Variants in PALM2AKAP2 observed in about 807,000 individuals in gnomAD.
PALM2AKAP2 encodes the protein PALM2 and AKAP2 fusion, also known as PALM2-AKAP2 fusion protein.
Under a neutral mutation model 71.5 loss-of-function variants are expected in PALM2AKAP2, and 37 were observed. The observed-to-expected ratio is 0.52, with a 90% CI of 0.40 to 0.68. The LOEUF is 0.68. Among genes scored for constraint, PALM2AKAP2 ranks in the 30% least tolerant of loss-of-function variants. PALM2AKAP2 has a pLI of 0.00. For missense variants in PALM2AKAP2, 1,224 were observed against 1,191.8 expected, an observed-to-expected ratio of 1.03 and a Z score of -0.40; for synonymous variants, 468 against 478.8, an observed-to-expected ratio of 0.98 and a Z score of 0.29.
chr9:110,032,727 TAAATA>T (rs1833305964), intron 7 of PALM2AKAP2, among the ~76,000 whole-genome samples: 2 of 98,626 alleles, frequency 2.0e-5, no homozygotes, highest in South Asian at 6.1e-4. Flanking sequence ...AATAAATAAA[TAAATA>T]AATAAATAAA....
chr9:109,923,677 C>G, intron 3 of PALM2AKAP2, 58 bp from the exon 4 acceptor site: 1 of 1,514,274 alleles, frequency 6.6e-7, no homozygotes, highest in Non-Finnish European at 8.8e-7. Context: ...GAGCTGCTCT[C>G]TTGCCCGTGG....
intron 1 of PALM2AKAP2, among the ~76,000 whole-genome samples, chr9:109,688,992 T>C (rs1484624219): frequency 6.6e-6 from 1 of 152,198 alleles, no homozygotes; most frequent in African/African-American, 2.4e-5. Context: ...CCTGCAGTTC[T>C]TCCATACTTC....
chr9:110,014,806 GTATATATATATATATATATATATATA>G (rs34408706), intron 6 of PALM2AKAP2, among the ~76,000 whole-genome samples: 27 of 41,552 alleles, frequency 6.5e-4, no homozygotes, highest in Admixed American at 2.3e-3. Flanking sequence ...AAAAAAAAAT[GTATATATATATATATATATATATATA>G]TATATATATA....
intron 1 of PALM2AKAP2, among the ~76,000 whole-genome samples, chr9:110,100,659 T>C (rs888103964): frequency 5.9e-5 from 9 of 152,156 alleles, no homozygotes; most frequent in Non-Finnish European, 8.8e-5. Context: ...CAAATTATTC[T>C]CCGACCCCTT....
At chr9:109,707,758 T>C (rs974064388) in intron 1 of PALM2AKAP2, among the ~76,000 whole-genome samples, 2 of 152,202 alleles carry the variant, frequency 1.3e-5, no homozygotes, top group African/African-American at 2.4e-5. Context: ...TTTGATACAG[T>C]CAGCAAGGAA....
At chr9:110,048,668 C>T (rs1190553699), upstream of PALM2AKAP2, 1 of 1,495,508 alleles carries the variant, frequency 6.7e-7, no homozygotes, top group Non-Finnish European at 8.8e-7. Context: ...TCCCCGCCCT[C>T]CAGCGCGCCC....
intron 1 of PALM2AKAP2, among the ~76,000 whole-genome samples, chr9:109,762,662 G>GA (rs147586144): frequency 0.069 from 10,568 of 152,060 alleles, 918 homozygotes; most frequent in African/African-American, 0.21. Context: ...TGTGAGGCAG[G>GA]AAAAAAACCC....
intron 3 of PALM2AKAP2, among the ~76,000 whole-genome samples, chr9:110,165,835 G>A (rs1836721258): frequency 6.6e-6 from 1 of 152,178 alleles, no homozygotes; most frequent in Admixed American, 6.5e-5. Flanking sequence ...TGTGTAAATT[G>A]GATTGATAGA....
At chr9:109,843,139 T>TGAAAAA (rs1169499624) in intron 1 of PALM2AKAP2, among the ~76,000 whole-genome samples, 3 of 7,132 alleles carry the variant, frequency 4.2e-4, no homozygotes, top group African/African-American at 2.8e-3. Flanking sequence ...AAACTCGGTC[T>TGAAAAA]CAAAAAAAAA....
intron 1 of PALM2AKAP2, among the ~76,000 whole-genome samples, chr9:110,129,102 G>C (rs1835678191): frequency 6.6e-6 from 1 of 152,188 alleles, no homozygotes; most frequent in Non-Finnish European, 1.5e-5. Flanking sequence ...CCCCTTCAGA[G>C]ACCAGCCCAG....
At chr9:109,694,948 GTAT>G (rs1827949243) in intron 1 of PALM2AKAP2, among the ~76,000 whole-genome samples, 1 of 152,020 alleles carries the variant, frequency 6.6e-6, no homozygotes, top group Non-Finnish European at 1.5e-5. Context: ...TTAATGCATG[GTAT>G]TAGGACAAGT....
rs1399461419 is a variant in PALM2AKAP2 at position 109,993,092 on chromosome 9, C to A, written c.497-22862C>A. Among the ~76,000 whole-genome samples the A allele has an allele frequency of 2.6e-5, 4 of 150,966 alleles. No homozygotes were observed. The South Asian group carries it at 6.3e-4, about 24-fold the overall frequency. ...TTCTTAAAGAACATCAATGAAGATC[C>A]CTTTTTCTGTCCCCTGCAGCTGCTC... is the stretch of plus-strand genomic sequence containing the variant. On this transcript the variant is annotated intron_variant, in intron 6 of 9. Coordinates refer to the PALM2AKAP2 transcript ENST00000302798.
intron 1 of PALM2AKAP2, among the ~76,000 whole-genome samples, chr9:109,659,079 A>C (rs529226993): frequency 6.6e-6 from 1 of 152,316 alleles, no homozygotes; most frequent in South Asian, 2.1e-4. Flanking sequence ...ATCTTTCATC[A>C]TTATGTCCAC....
At chr9:109,784,840 G>A (rs1284611263) in intron 1 of PALM2AKAP2, among the ~76,000 whole-genome samples, 1 of 152,268 alleles carries the variant, frequency 6.6e-6, no homozygotes, top group Non-Finnish European at 1.5e-5. Context: ...AGCAGCCTGA[G>A]TGTGAGCCAC....
chr9:109,693,242 T>C (rs1315452397), intron 1 of PALM2AKAP2, among the ~76,000 whole-genome samples: 1 of 151,930 alleles, frequency 6.6e-6, no homozygotes. Flanking sequence ...ATTTAATCTT[T>C]GTCAAATTTG....
At chr9:110,063,742 C>T (rs973077437) in intron 1 of PALM2AKAP2, among the ~76,000 whole-genome samples, 4 of 152,192 alleles carry the variant, frequency 2.6e-5, no homozygotes, top group African/African-American at 9.7e-5. Flanking sequence ...CCACGCTTGG[C>T]TCAAATTTCC....
intron 1 of PALM2AKAP2, among the ~76,000 whole-genome samples, chr9:110,124,868 A>C (rs1835561704): frequency 6.6e-6 from 1 of 152,170 alleles, no homozygotes; most frequent in Non-Finnish European, 1.5e-5. Context: ...GTGCTTGTGA[A>C]ATGATATGAG....
At chr9:109,932,443 C>G (rs1403377964) in intron 6 of PALM2AKAP2, among the ~76,000 whole-genome samples, 1 of 152,146 alleles carries the variant, frequency 6.6e-6, no homozygotes, top group Admixed American at 6.5e-5. Context: ...TTTACAGAAT[C>G]CTTTGGGAAT....
intron 1 of PALM2AKAP2, among the ~76,000 whole-genome samples, chr9:110,061,091 A>G (rs1326643428): frequency 6.6e-6 from 1 of 152,094 alleles, no homozygotes; most frequent in African/African-American, 2.4e-5. Context: ...TGAACTCCAC[A>G]AGGGTCCTCT....
Sources: allele counts gnomAD v4.1 joint callset (sites outside exome capture counted in the v4.1 genomes callset), GRCh38; gene constraint gnomAD v4.1.1; transcripts MANE v1.5; gene names NCBI Gene and HGNC (gene_info 2026-07-23, HGNC 2026-07-21).